DMD: variants seen among roughly 807,000 people sequenced by gnomAD.
The protein encoded by DMD is mutant dystrophin.
DMD carries 63 observed loss-of-function variants against 330.1 expected under a neutral mutation model. The observed-to-expected ratio is 0.19, with a 90% CI of 0.16 to 0.24. The LOEUF (loss-of-function observed/expected upper bound fraction) is 0.24. Ranked by LOEUF, DMD falls within the 10% of genes least tolerant of loss-of-function variation. The pLI, the probability that DMD is intolerant of heterozygous loss-of-function variation, is 1.00. For missense variants in DMD, 3,344 were observed against 2,684.1 expected, an observed-to-expected ratio of 1.25 and a Z score of -5.43; for synonymous variants, 1,223 against 959.8, an observed-to-expected ratio of 1.27 and a Z score of -5.07.
At chrX:31,330,490 G>A (rs1450939193) in intron 61 of DMD, among the ~76,000 whole-genome samples, 1 of 111,612 alleles carries the variant, frequency 9.0e-6, no homozygotes, top group Non-Finnish European at 1.9e-5. Flanking sequence ...AGAGGCTGAA[G>A]GAGGGAGTAG....
chrX:31,968,427 T>C lies in DMD; in HGVS notation c.6526A>G (p.Thr2176Ala). 1 of 1,210,718 alleles carries C rather than the reference T, an allele frequency of 8.3e-7. No individual in the cohort carries two copies. Among genetic ancestry groups the C allele is most frequent in the African/African-American group, 1.7e-5 (1 of 57,718 alleles). ...TTTTCCTGTAGAATACTGGCATCTGTTTTTGAGGATTGCTGAATTATTTCT... is the reference window on the plus strand; with the variant it reads ...TTTTCCTGTAGAATACTGGCATCTGCTTTTGAGGATTGCTGAATTATTTCT... ...GEEIIQQSSKTDASILQEKLG... is the reference protein window; with the variant it reads ...GEEIIQQSSKADASILQEKLG... Residue 2176 changes from threonine (T) to alanine (A), a missense_variant, in exon 45 of 79, where the codon ACA becomes GCA. Coordinates refer to ENST00000357033, the MANE Select transcript of DMD (RefSeq NM_004006.3).
intron 62 of DMD, among the ~76,000 whole-genome samples, chrX:31,273,155 A>G (rs1438463844): frequency 2.7e-5 from 3 of 112,353 alleles, no homozygotes; most frequent in Non-Finnish European, 5.6e-5. Flanking sequence ...AACATTAAAA[A>G]AAATCAACGC....
At chrX:32,156,012 ACAC>A (rs1335984765) in intron 44 of DMD, among the ~76,000 whole-genome samples, 1 of 102,972 alleles carries the variant, frequency 9.7e-6, no homozygotes, top group Non-Finnish European at 2.0e-5. Flanking sequence ...ACACACACAC[ACAC>A]ACCTGTATAG....
intron 51 of DMD, among the ~76,000 whole-genome samples, chrX:31,766,780 T>C (rs981319480): frequency 8.9e-6 from 1 of 111,759 alleles, no homozygotes; most frequent in Non-Finnish European, 1.9e-5. Flanking sequence ...TGTAGTTTAG[T>C]ATAGTTTATA....
intron 51 of DMD, among the ~76,000 whole-genome samples, chrX:31,773,370 T>C (rs751980330): frequency 8.9e-6 from 1 of 112,332 alleles, no homozygotes; most frequent in Admixed American, 9.5e-5. Flanking sequence ...GCACTATTTG[T>C]ATTAAAAACA....
At chrX:32,758,068 T>G (rs1485140067) in intron 7 of DMD, among the ~76,000 whole-genome samples, 1 of 112,199 alleles carries the variant, frequency 8.9e-6, no homozygotes, top group African/African-American at 3.2e-5. Context: ...TTACCTATTA[T>G]GGTCATCAGT....
chrX:31,746,885 A>C (rs2087889364), intron 51 of DMD, among the ~76,000 whole-genome samples: 1 of 111,257 alleles, frequency 9.0e-6, no homozygotes, highest in Non-Finnish European at 1.9e-5. Context: ...AAATGGTGTA[A>C]TGGTTACCTT....
At position 33,009,123 on chromosome X, in the gene DMD, CGTATATAT is replaced by C. The variant is rs2093495976; in HGVS notation, c.93+11008_93+11015del. ...ATATGTATATATATGTGTATATATACGTATATATGTATATATATGTGTATATATACGTA... is the reference window on the plus strand; with the variant it reads ...ATATGTATATATATGTGTATATATACGTATATATATGTGTATATATACGTA... On this transcript the variant is annotated intron_variant, in intron 2 of 78. Transcript: ENST00000357033. 1.4e-4 allele frequency among the ~76,000 whole-genome samples: 3 copies of C among 21,295 alleles called. 1 individual carries two copies. The highest frequency in any genetic ancestry group is 2.5e-4 in the Non-Finnish European group (3 of 12,107). The allele number at this position is 21,295 out of a possible 115,157, so 18.5% of individuals were successfully genotyped here.
intron 1 of DMD, among the ~76,000 whole-genome samples, chrX:33,299,446 TG>T (rs1323678313): frequency 3.6e-5 from 4 of 111,710 alleles, no homozygotes; most frequent in Non-Finnish European, 7.5e-5. Context: ...AGCTTCTATT[TG>T]AAAAAACTTT....
chrX:32,092,724 C>CTTTTTTTTTTT (rs11315047), intron 44 of DMD, among the ~76,000 whole-genome samples: 18 of 39,783 alleles, frequency 4.5e-4, no homozygotes, highest in African/African-American at 7.7e-4. Context: ...GTTATTTTCA[C>CTTTTTTTTTTT]TTTTTTTTTT....
intron 7 of DMD, among the ~76,000 whole-genome samples, chrX:32,793,459 G>A (rs1302197300): frequency 9.2e-6 from 1 of 109,155 alleles, no homozygotes; most frequent in Non-Finnish European, 1.9e-5. Flanking sequence ...CAAGAAAATA[G>A]AGAGCAAAAA....
At chrX:31,507,235 C>T (rs1384439764) in intron 56 of DMD, 46 bp downstream of exon 56, 1 of 1,193,941 alleles carries the variant, frequency 8.4e-7, no homozygotes, top group Admixed American at 2.2e-5. Flanking sequence ...GAAAATTTGG[C>T]CATTTTAATT....
At chrX:33,077,411 G>A (rs1471841472) in intron 1 of DMD, among the ~76,000 whole-genome samples, 3 of 111,680 alleles carry the variant, frequency 2.7e-5, no homozygotes, top group Non-Finnish European at 5.6e-5. Flanking sequence ...TTTTGCAAAG[G>A]TGGTTTCAAT....
chrX:31,177,008 C>G (rs1474921864), intron 71 of DMD, among the ~76,000 whole-genome samples: 1 of 111,235 alleles, frequency 9.0e-6, no homozygotes, highest in Admixed American at 9.5e-5. Flanking sequence ...CTTACACAAG[C>G]TTATCTTCCG....
intron 62 of DMD, among the ~76,000 whole-genome samples, chrX:31,290,402 AAATAT>A: frequency 9.0e-6 from 1 of 111,535 alleles, no homozygotes; most frequent in Non-Finnish European, 1.9e-5. Flanking sequence ...TGTGAATAAC[AAATAT>A]AATTGTCACA....
chrX:32,371,084 A>C (rs2097875133), intron 34 of DMD, among the ~76,000 whole-genome samples: 1 of 111,256 alleles, frequency 9.0e-6, no homozygotes, highest in Non-Finnish European at 1.9e-5. Flanking sequence ...CAATGTTGAA[A>C]ACCACAGGCA....
At chrX:31,183,849 T>C (rs1046751555) in intron 67 of DMD, among the ~76,000 whole-genome samples, 3 of 98,892 alleles carry the variant, frequency 3.0e-5, no homozygotes, top group African/African-American at 4.2e-5. Context: ...TCTGTTTGTC[T>C]GAAAATACCT....
intron 60 of DMD, among the ~76,000 whole-genome samples, chrX:31,403,230 C>G (rs2061267673): frequency 8.9e-6 from 1 of 111,832 alleles, no homozygotes; most frequent in South Asian, 3.7e-4. Context: ...AGAACAAGAA[C>G]CCTGCTATTT....
intron 47 of DMD, among the ~76,000 whole-genome samples, chrX:31,892,917 T>C (rs1202440306): frequency 7.1e-5 from 8 of 112,162 alleles, no homozygotes. Flanking sequence ...AAATAAAACA[T>C]ATAATCCAAA....
Sources: gnomAD v4.1 joint callset for allele counts (sites outside exome capture counted in the v4.1 genomes callset) on GRCh38, gnomAD v4.1.1 for gene constraint, MANE v1.5 for transcripts, NCBI Gene and HGNC (gene_info 2026-07-23, HGNC 2026-07-21) for gene names.